Variants in MST1R observed in about 807,000 individuals in gnomAD.
MST1R encodes macrophage stimulating 1 receptor, also known as macrophage-stimulating protein receptor.
In MST1R, 99 loss-of-function variants were observed where a neutral mutation model predicts 117.8. The ratio of observed to expected loss-of-function variants is 0.84; its 90% CI spans 0.71 to 0.99. The LOEUF (loss-of-function observed/expected upper bound fraction) is 0.99, where lower values mean the gene tolerates loss of function less well. MST1R is among the 50% of genes least tolerant of loss of function. The probability of loss-of-function intolerance (pLI) is 0.00; values close to 1 mark genes in which losing one functional copy is unlikely to be tolerated. For synonymous variants in MST1R, 734 were observed against 765.3 expected (o/e 0.96, Z 0.68); for missense variants, 1,683 against 1,840.2 (o/e 0.91, Z 1.56).
intron 1 of MST1R, among the ~76,000 whole-genome samples, chr3:49,901,802 G>A (rs973857019): frequency 6.6e-6 from 1 of 151,846 alleles, no homozygotes; most frequent in Non-Finnish European, 1.5e-5. Context: ...AGGAAGGGGA[G>A]ATTCTCTGAC....
At chr3:49,899,330 G>A in intron 1 of MST1R, 67 bp from the exon 2 acceptor site, 2 of 1,557,692 alleles carry the variant, frequency 1.3e-6, no homozygotes, top group Non-Finnish European at 1.8e-6. Flanking sequence ...TGGGGCCTTT[G>A]TCAGTGGCCA....
chr3:49,894,057 T>C (rs2082394363), intron 14 of MST1R, among the ~76,000 whole-genome samples: 1 of 147,716 alleles, frequency 6.8e-6, no homozygotes. Flanking sequence ...CTACCAAAAA[T>C]ACTAAAAATT....
chr3:49,894,901 C>A (rs928441615), intron 14 of MST1R, among the ~76,000 whole-genome samples: 1 of 152,006 alleles, frequency 6.6e-6, no homozygotes, highest in African/African-American at 2.4e-5. Flanking sequence ...CTCCGCCTCC[C>A]GAGTTCATGC....
Position 49,895,196 on chromosome 3 carries a change from A to T in MST1R, c.3242T>A (p.Val1081Asp). The change falls in exon 14 of 20, where the codon GTC becomes GAC. Residue 1081 changes from valine (V) to aspartate (D), a missense_variant. By Grantham distance (152) the Val-to-Asp change is radical. Coordinates refer to ENST00000296474, the MANE Select transcript of MST1R (RefSeq NM_002447.4). Reference sequence around the variant, plus strand: ...GCCAATGACTCGGTCACTGTGGGTGACCACCCGCTCATGGGGAATCAGCAC... The same window carrying T: ...GCCAATGACTCGGTCACTGTGGGTGTCCACCCGCTCATGGGGAATCAGCAC... ...KDVLIPHERV[V>D]THSDRVIGKG... is the part of the protein sequence containing the mutation. The T allele has an allele frequency of 6.2e-7, 1 of 1,614,110 alleles. No individual in the cohort carries two copies.
At chr3:49,891,733 C>T (rs371155951) in intron 15 of MST1R, 25 bp downstream of exon 15, 189 of 1,613,302 alleles carry the variant, frequency 1.2e-4, no homozygotes, top group Non-Finnish European at 1.5e-4. Context: ...CCTCCCTCTG[C>T]CTTCCCATCT....
chr3:49,888,776 T>C (rs1021398207), intron 19 of MST1R, among the ~76,000 whole-genome samples: 4 of 152,200 alleles, frequency 2.6e-5, no homozygotes, highest in African/African-American at 9.6e-5. Context: ...ATATCTCATA[T>C]AATTCTCAGA....
chr3:49,897,671 T>A lies in MST1R; in HGVS notation c.1895A>T (p.Lys632Ile), dbSNP rs772468334. Reference sequence around the variant, plus strand: ...ACACTCAAACTCCTCTACAAAGTCTTTCCGGGGCACTGGTCTGGGGCACCA... The same window carrying A: ...ACACTCAAACTCCTCTACAAAGTCTATCCGGGGCACTGGTCTGGGGCACCA... ...DSSKLRPVPR[K>I]DFVEEFECEL... Residue 632 changes from lysine (K) to isoleucine (I), a missense_variant, in exon 6 of 20, where the codon AAA becomes ATA. By Grantham distance (102) the Lys-to-Ile change is moderately radical (BLOSUM62 -3). Coordinates refer to ENST00000296474, the MANE Select transcript of MST1R (RefSeq NM_002447.4). The A allele has an allele frequency of 6.2e-7, 1 of 1,612,954 alleles. No homozygotes were observed. The highest frequency in any genetic ancestry group is 8.5e-7 in the Non-Finnish European group (1 of 1,179,368).
rs1312420806 is a variant in MST1R, at chr3:49,902,936, G to A, written c.674C>T (p.Ala225Val). ...CACAAAGCCCGGTGCGAATCCCGAG[G>A]CGTCAGCCTTGAGACGCCTGATAGA... ...SVSIRRLKAD[A>V]SGFAPGFVAL... The change falls in exon 1 of 20, where the codon GCC (alanine) becomes GTC (valine). Residue 225 changes from alanine (A) to valine (V), a missense_variant. By Grantham distance (64) the Ala-to-Val change is moderately conservative (BLOSUM62 0). Transcript: ENST00000296474. 6.2e-7 allele frequency: 1 copy of A among 1,613,344 alleles called. No individual in the cohort carries two copies. The highest frequency in any genetic ancestry group is 8.5e-7 in the Non-Finnish European group (1 of 1,179,992).
At chr3:49,891,720 G>A in intron 15 of MST1R, 38 bp downstream of exon 15, 2 of 1,610,720 alleles carry the variant, frequency 1.2e-6, no homozygotes, top group Non-Finnish European at 8.5e-7. Flanking sequence ...CCAGCCTGAG[G>A]CCCCTCCCTC....
intron 19 of MST1R, 102 bp downstream of exon 19, chr3:49,889,822 A>G: frequency 2.1e-6 from 3 of 1,436,234 alleles, no homozygotes; most frequent in Non-Finnish European, 2.9e-6. Context: ...TTTCCTAGTC[A>G]ACCAGAAGTT....
intron 14 of MST1R, among the ~76,000 whole-genome samples, chr3:49,893,210 C>T (rs2082364042): frequency 6.6e-6 from 1 of 151,348 alleles, no homozygotes; most frequent in African/African-American, 2.4e-5. Flanking sequence ...ATCCGGGAGG[C>T]AGAGGTTGCA....
chr3:49,893,280 AAAATAAATAAATAAAT>A (rs59923845), intron 14 of MST1R, among the ~76,000 whole-genome samples: 14 of 140,582 alleles, frequency 1.0e-4, no homozygotes, highest in Admixed American at 2.1e-4. Context: ...TTCTGTCTCA[AAAATAAATAAATAAAT>A]AAATAAATAA....
Position 49,895,545 on chromosome 3 carries a change from A to C in MST1R, c.2966T>G (p.Leu989Arg), listed in dbSNP as rs753187378. The C allele has an allele frequency of 5.6e-6, 9 of 1,614,032 alleles. No individual in the cohort carries two copies. Among genetic ancestry groups the C allele is most frequent in the Admixed American group, 3.3e-5 (2 of 59,998 alleles). Residue 989 changes from leucine to arginine, a missense_variant, in exon 13 of 20, where the codon CTT (leucine) becomes CGT (arginine). Coordinates refer to ENST00000296474, the MANE Select transcript of MST1R (RefSeq NM_002447.4). Reference protein sequence around the residue: ...SYWWRRKQLVLPPNLNDLASL... With the variant: ...SYWWRRKQLVRPPNLNDLASL... ...TGCCAGGTCATTCAGGTTGGGAGGA[A>C]GAACTGTGGAAAGAGAATCCTTGGT...
chr3:49,890,524 C>G lies in MST1R; in HGVS notation c.3771G>C (p.Glu1257Asp), dbSNP rs569126082. 3.7e-5 allele frequency: 59 copies of G among 1,614,118 alleles called. No individual in the cohort carries two copies. In the African/African-American group the frequency reaches 7.2e-4, roughly 20 times the overall value. ...TGGTAAATCTATAGGTCTGCAGGCT[C>G]TCCAGCGCCATCCACTTCACAGGTA... is the stretch of plus-strand genomic sequence containing the variant. ...ARLPVKWMAL[E>D]SLQTYRFTTK... is the part of the protein sequence containing the mutation. Residue 1257 changes from glutamate (E) to aspartate (D), a missense_variant, in exon 18 of 20, where the codon GAG (glutamate) becomes GAC (aspartate). Glu to Asp is a conservative substitution (Grantham distance 45). Transcript: ENST00000296474.
intron 14 of MST1R, 141 bp from the exon 15 acceptor site, chr3:49,891,979 T>A (rs943949125): frequency 1.6e-6 from 1 of 610,722 alleles, no homozygotes; most frequent in Non-Finnish European, 2.8e-6. Context: ...TTATTTATTT[T>A]TTTTGAGACC....
At position 49,902,980 on chromosome 3, in the gene MST1R, G is replaced by C. The variant is rs1177397930; in HGVS notation, c.630C>G (p.Ser210Arg). 7.4e-6 allele frequency: 12 copies of C among 1,613,062 alleles called. No homozygotes were observed. Among genetic ancestry groups the C allele is most frequent in the Middle Eastern group, 1.6e-4 (1 of 6,084 alleles). Residue 210 changes from serine to arginine, a missense_variant, in exon 1 of 20, where the codon AGC (serine) becomes AGG (arginine). Coordinates refer to ENST00000296474, the MANE Select transcript of MST1R (RefSeq NM_002447.4). ...ASSLDAAVAA[S>R]FSPRSVSIRR... The stretch of plus-strand genomic sequence containing the variant: ...TGATAGACACTGAGCGTGGGCTGAA[G>C]CTGGCAGCCACGGCTGCGTCCAGTG...
In MST1R at chr3:49,903,450, G is replaced by A; in HGVS notation, c.160C>T (p.Leu54=). 6.2e-7 allele frequency: 1 copy of A among 1,613,560 alleles called. No individual in the cohort carries two copies. Among genetic ancestry groups the A allele is most frequent in the Non-Finnish European group, 8.5e-7 (1 of 1,180,010 alleles). The stretch of plus-strand genomic sequence containing the variant: ...TCGTAGGTCACCATGGCCTGTACCA[G>A]GCCTCCGGCGGAGAAGCTGGGCACC... ...YVVPSFSAGG[L]VQAMVTYEGD... The change falls in exon 1 of 20, where the codon CTG becomes TTG. Residue 54 remains leucine, a synonymous_variant. Coordinates refer to ENST00000296474, the MANE Select transcript of MST1R (RefSeq NM_002447.4).
chr3:49,896,637 T>C lies in MST1R; in HGVS notation c.2346-4A>G, dbSNP rs377532513. The stretch of plus-strand genomic sequence containing the variant: ...ACAGATGGTGATGTGGGAGTTGCTG[T>C]GGAAGAGGGTAGGGTGGTAGGCTTT... On this transcript the variant is annotated splice_polypyrimidine_tract_variant and splice_region_variant and intron_variant, in intron 8 of 19. Transcript: ENST00000296474. 2 of 1,614,066 alleles carry C rather than the reference T, an allele frequency of 1.2e-6. No individual in the cohort carries two copies. The highest frequency in any genetic ancestry group is 1.1e-5 in the South Asian group (1 of 91,066).
At chr3:49,890,145 C>T in intron 18 of MST1R, 85 bp from the exon 19 acceptor site, 1 of 1,491,134 alleles carries the variant, frequency 6.7e-7, no homozygotes, top group Non-Finnish European at 9.0e-7. Flanking sequence ...CTCCCAGAGT[C>T]CTTCAGCTGG....
Sources: gnomAD v4.1 joint callset for allele counts (sites outside exome capture counted in the v4.1 genomes callset) on GRCh38, gnomAD v4.1.1 for gene constraint, MANE v1.5 for transcripts, NCBI Gene and HGNC (gene_info 2026-07-23, HGNC 2026-07-21) for gene names.